Variants in AGBL1 observed in about 807,000 individuals in gnomAD.
The protein encoded by AGBL1 is cytosolic carboxypeptidase 4.
AGBL1 carries 130 observed loss-of-function variants against 118.9 expected under a neutral mutation model. That is an observed-to-expected ratio of 1.09 (90% CI 0.95 to 1.26). AGBL1 has a LOEUF of 1.26. Among genes scored for constraint, AGBL1 ranks in the 50% most tolerant of loss-of-function variants. The pLI is 0.00. For missense variants in AGBL1, 1,584 were observed against 1,298.1 expected, an observed-to-expected ratio of 1.22 and a Z score of -3.38; for synonymous variants, 555 against 478.9, an observed-to-expected ratio of 1.16 and a Z score of -2.08.
chr15:86,469,238 C>G (rs550348692), intron 18 of AGBL1, among the ~76,000 whole-genome samples: 2 of 152,258 alleles, frequency 1.3e-5, no homozygotes, highest in East Asian at 1.9e-4. Flanking sequence ...TGTCCATTTC[C>G]TTTTCCAATT....
At chr15:86,256,507 G>T (rs1013291547) in intron 7 of AGBL1, among the ~76,000 whole-genome samples, 1 of 152,164 alleles carries the variant, frequency 6.6e-6, no homozygotes, top group African/African-American at 2.4e-5. Flanking sequence ...AAAAGACACC[G>T]GCCTCCTCTT....
At chr15:87,015,594 C>G (rs1198593117) in intron 24 of AGBL1, among the ~76,000 whole-genome samples, 2 of 152,146 alleles carry the variant, frequency 1.3e-5, no homozygotes, top group African/African-American at 4.8e-5. Flanking sequence ...TGATTCTTGA[C>G]TTCAGTTGAA....
chr15:86,231,198 G>A (rs2078449885), intron 6 of AGBL1, among the ~76,000 whole-genome samples: 2 of 152,224 alleles, frequency 1.3e-5, no homozygotes, highest in Non-Finnish European at 1.5e-5. Context: ...AGCTCCAAAG[G>A]AACTGGGATT....
chr15:86,312,759 T>C (rs2079939941), intron 17 of AGBL1, among the ~76,000 whole-genome samples: 1 of 152,174 alleles, frequency 6.6e-6, no homozygotes, highest in South Asian at 2.1e-4. Flanking sequence ...AAGTGGCTAT[T>C]CATGAAACTG....
At chr15:86,299,589 C>A (rs775277792) in intron 17 of AGBL1, 2 of 152,096 alleles carry the variant, frequency 1.3e-5, no homozygotes, top group Non-Finnish European at 1.5e-5. Context: ...TGGGAATAGG[C>A]TTGGTAGGCA....
intron 17 of AGBL1, among the ~76,000 whole-genome samples, chr15:86,393,971 C>CG: frequency 6.6e-6 from 1 of 152,090 alleles, no homozygotes; most frequent in African/African-American, 2.4e-5. Flanking sequence ...AAACAGAAGG[C>CG]GGGGCCTCAC....
chr15:86,889,685 C>G (rs1163791143), intron 22 of AGBL1, among the ~76,000 whole-genome samples: 1 of 152,086 alleles, frequency 6.6e-6, no homozygotes. Context: ...CTGAGGATAA[C>G]GACTTCCAGC....
At chr15:86,148,790 C>G (rs1462720469) in intron 3 of AGBL1, among the ~76,000 whole-genome samples, 1 of 152,148 alleles carries the variant, frequency 6.6e-6, no homozygotes. Flanking sequence ...CACAAAGATA[C>G]TCCTCGAGAA....
chr15:86,951,828 T>A (rs1596668335), intron 23 of AGBL1, among the ~76,000 whole-genome samples: 1 of 152,228 alleles, frequency 6.6e-6, no homozygotes, highest in African/African-American at 2.4e-5. Flanking sequence ...TATTGTTAAG[T>A]GTACACATGT....
chr15:86,710,570 C>A lies in AGBL1; in HGVS notation c.3158+36134C>A, dbSNP rs146837178. Among the ~76,000 whole-genome samples, 14 of 152,212 alleles carry A rather than the reference C, an allele frequency of 9.2e-5. No homozygotes were observed. In the East Asian group the frequency reaches 2.7e-3, roughly 29 times the overall value. On this transcript the variant is annotated intron_variant, in intron 22 of 22. Transcript: ENST00000614907. The stretch of plus-strand genomic sequence containing the variant: ...ATCATGTCAAACACATTTGATTACC[C>A]TTTAAAATTAAATTGCTATTGGACC...
At chr15:86,460,421 A>C (rs1376120517) in intron 18 of AGBL1, among the ~76,000 whole-genome samples, 1 of 150,880 alleles carries the variant, frequency 6.6e-6, no homozygotes, top group African/African-American at 2.4e-5. Context: ...CCTTGAGCCC[A>C]GGAATTTGAG....
At chr15:86,382,286 GA>G (rs2081123283) in intron 17 of AGBL1, among the ~76,000 whole-genome samples, 1 of 152,200 alleles carries the variant, frequency 6.6e-6, no homozygotes, top group South Asian at 2.1e-4. Context: ...ACTTTGAAAC[GA>G]AGGGGCCAGA....
intron 18 of AGBL1, among the ~76,000 whole-genome samples, chr15:86,429,276 C>G (rs2081904547): frequency 1.3e-5 from 2 of 152,196 alleles, no homozygotes; most frequent in South Asian, 2.1e-4. Context: ...GGATCTTGGC[C>G]TCTGCCTTTC....
chr15:86,996,046 C>T (rs1368708244), intron 24 of AGBL1, among the ~76,000 whole-genome samples: 1 of 152,128 alleles, frequency 6.6e-6, no homozygotes, highest in Non-Finnish European at 1.5e-5. Flanking sequence ...TACCCTGTTC[C>T]CATCAGCTTT....
intron 22 of AGBL1, among the ~76,000 whole-genome samples, chr15:86,680,601 CTG>C (rs1290044911): frequency 9.0e-6 from 1 of 111,046 alleles, no homozygotes; most frequent in Non-Finnish European, 1.7e-5. Flanking sequence ...GGGGGTCTCT[CTG>C]TCACCTAGGC....
intron 17 of AGBL1, among the ~76,000 whole-genome samples, chr15:86,359,558 T>C (rs1337898756): frequency 7.3e-6 from 1 of 137,472 alleles, no homozygotes; most frequent in African/African-American, 2.5e-5. Context: ...TTTAGGACAA[T>C]TTTTTTTTTC....
At chr15:86,121,722 AG>A (rs1008709751) in intron 1 of AGBL1, among the ~76,000 whole-genome samples, 1 of 152,208 alleles carries the variant, frequency 6.6e-6, no homozygotes, top group Non-Finnish European at 1.5e-5. Context: ...AGCATTCTGT[AG>A]CCCTGTCTCA....
rs915909935 is a variant in AGBL1 at position 86,214,094 on chromosome 15, G to A, written c.489-10820G>A. On this transcript the variant is annotated intron_variant, in intron 5 of 22. Transcript: ENST00000614907. ...CTGGAAGGTGCTAAGCCTTGGTACC[G>A]CATATGGCCATGTTACATCTCAATC... is the stretch of plus-strand genomic sequence containing the variant. Among the ~76,000 whole-genome samples the A allele has an allele frequency of 9.2e-5, 14 of 152,292 alleles. No individual in the cohort carries two copies. The South Asian group carries it at 1.2e-3, about 14-fold the overall frequency.
At chr15:86,345,150 A>G (rs1190677532) in intron 17 of AGBL1, among the ~76,000 whole-genome samples, 1 of 152,018 alleles carries the variant, frequency 6.6e-6, no homozygotes, top group African/African-American at 2.4e-5. Flanking sequence ...CTTGAGCTTT[A>G]TATTAACCAT....
Sources: allele counts gnomAD v4.1 joint callset (sites outside exome capture counted in the v4.1 genomes callset), GRCh38; gene constraint gnomAD v4.1.1; transcripts MANE v1.5; gene names NCBI Gene and HGNC (gene_info 2026-07-23, HGNC 2026-07-21).